The following ABCC5 variants were observed in gnomAD, a reference collection of about 807,000 sequenced individuals.
ABCC5 encodes ATP binding cassette subfamily C member 5, also known as ATP-binding cassette sub-family C member 5.
ABCC5 carries 61 observed loss-of-function variants against 160.9 expected under a neutral mutation model. The ratio of observed to expected loss-of-function variants is 0.38; its 90% CI spans 0.31 to 0.47. The LOEUF is 0.47. ABCC5 is among the 20% of genes least tolerant of loss of function. The probability of loss-of-function intolerance (pLI) is 0.99; values close to 1 mark genes in which losing one functional copy is unlikely to be tolerated. For missense variants in ABCC5, 1,308 were observed against 1,813.3 expected, an observed-to-expected ratio of 0.72 and a Z score of 5.06; for synonymous variants, 666 against 700.6, an observed-to-expected ratio of 0.95 and a Z score of 0.78.
At chr3:184,012,014 AAC>A (rs3031485) in intron 2 of ABCC5, among the ~76,000 whole-genome samples, 9,300 of 145,294 alleles carry the variant, frequency 0.064, 317 homozygotes, top group Admixed American at 0.08. Flanking sequence ...CATAGAACAC[AAC>A]ACACACACAC....
chr3:183,951,438 T>C lies in ABCC5; in HGVS notation c.2944+3A>G. The stretch of plus-strand genomic sequence containing the variant: ...TATTAAAAAAAGGCTCAGTGAGAAA[T>C]ACCTTCATCCATGTCTTTGGAAAAC... On this transcript the variant is annotated splice_donor_region_variant and intron_variant, in intron 20 of 29. Coordinates refer to ENST00000334444, the MANE Select transcript of ABCC5 (RefSeq NM_005688.4). The surrounding 1 kb of genome is among the most constrained non-coding windows in gnomAD (Gnocchi z 4.7). 1.2e-6 allele frequency: 2 copies of C among 1,613,892 alleles called. No homozygotes were observed. Among genetic ancestry groups the C allele is most frequent in the Non-Finnish European group, 1.7e-6 (2 of 1,179,952 alleles).
At chr3:183,937,591 T>C (rs897508255) in intron 26 of ABCC5, among the ~76,000 whole-genome samples, 5 of 152,176 alleles carry the variant, frequency 3.3e-5, no homozygotes, top group African/African-American at 1.2e-4. Context: ...CATCTTATGG[T>C]TGAGGAAACA....
chr3:184,008,597 G>A (rs987755736), intron 2 of ABCC5, among the ~76,000 whole-genome samples: 14 of 152,310 alleles, frequency 9.2e-5, no homozygotes, highest in Admixed American at 2.0e-4. Flanking sequence ...GTAGATGTGC[G>A]AATGCTTTAT....
chr3:183,999,764 G>C (rs1388533875), intron 2 of ABCC5, among the ~76,000 whole-genome samples: 1 of 152,040 alleles, frequency 6.6e-6, no homozygotes. Context: ...GGGTGACAGA[G>C]ACAGTCACTC....
intron 2 of ABCC5, among the ~76,000 whole-genome samples, chr3:184,009,117 G>A (rs746333295): frequency 4.6e-5 from 7 of 151,850 alleles, no homozygotes; most frequent in Non-Finnish European, 1.0e-4. Context: ...CTCCTCCCTC[G>A]GCCTCCCACA....
In ABCC5 at chr3:183,935,760, C is replaced by T. The variant is rs1487535843; in HGVS notation, c.3854+2141G>A. ...CAGGTGATCCGCCCACCTAGCCCTCCCAAAGTGCTGGCATTACAGGCGTGA... is the reference window on the plus strand; with the variant it reads ...CAGGTGATCCGCCCACCTAGCCCTCTCAAAGTGCTGGCATTACAGGCGTGA... On this transcript the variant is annotated intron_variant, in intron 26 of 29. Transcript: ENST00000334444. Among the ~76,000 whole-genome samples, 7 of 152,290 alleles carry T rather than the reference C, an allele frequency of 4.6e-5. No individual in the cohort carries two copies. In the East Asian group the frequency reaches 1.2e-3, roughly 25 times the overall value.
At chr3:183,991,974 C>T (rs1719809174) in intron 2 of ABCC5, among the ~76,000 whole-genome samples, 1 of 152,140 alleles carries the variant, frequency 6.6e-6, no homozygotes, top group African/African-American at 2.4e-5. Flanking sequence ...CAGGGACCAG[C>T]CTTATTTGGA....
chr3:183,950,215 T>C, intron 20 of ABCC5, 90 bp from the exon 21 acceptor site: 1 of 1,395,600 alleles, frequency 7.2e-7, no homozygotes, highest in Non-Finnish European at 9.6e-7. Flanking sequence ...CCACAAACTC[T>C]CTATCTGAAG....
intron 3 of ABCC5, 22 bp downstream of exon 3, chr3:183,989,204 A>G (rs1371084731): frequency 1.9e-6 from 3 of 1,577,632 alleles, no homozygotes; most frequent in African/African-American, 1.4e-5. Context: ...CTTCACTGTC[A>G]TCACTCAGCA....
chr3:183,975,500 C>A (rs957399730), intron 10 of ABCC5, among the ~76,000 whole-genome samples: 6 of 151,882 alleles, frequency 4.0e-5, no homozygotes, highest in African/African-American at 1.2e-4. Flanking sequence ...CACCACCACA[C>A]CTGGCTAATT....
chr3:183,934,193 C>T (rs763117831), intron 26 of ABCC5, among the ~76,000 whole-genome samples: 1 of 152,140 alleles, frequency 6.6e-6, no homozygotes, highest in Non-Finnish European at 1.5e-5. Context: ...GTGGTCCCAG[C>T]GACTCAGGAG....
At position 183,938,050 on chromosome 3, in the gene ABCC5, C is replaced by T. The variant is rs200655484; in HGVS notation, c.3705G>A (p.Ser1235=). ...IVGRTGSGKS[S]LGMALFRLVE... is the part of the protein sequence containing the mutation. ...CCAGACGGAAGAGGGCCATCCCCAG[C>T]GAGGACTTCCCTGATGAGTCAGAAG... The change falls in exon 26 of 30, where the codon TCG becomes TCA. Residue 1235 remains serine, a synonymous_variant. Transcript: ENST00000334444. 280 of 1,613,950 alleles carry T rather than the reference C, an allele frequency of 1.7e-4. 1 individual carries two copies. Among genetic ancestry groups the T allele is most frequent in the South Asian group, 1.4e-3 (128 of 91,060 alleles).
chr3:183,971,856 T>A lies in ABCC5; in HGVS notation c.1468A>T (p.Ile490Leu). 1 of 1,614,142 alleles carries A rather than the reference T, an allele frequency of 6.2e-7. No homozygotes were observed. Among genetic ancestry groups the A allele is most frequent in the East Asian group, 2.2e-5 (1 of 44,878 alleles). ...KNKPASPHIK[I>L]EMKNATLAWD... ...GCCAAGGTGGCATTTTTCATCTCTA[T>A]CTTGATGTGAGGACTGGCTGGTTTG... is the stretch of plus-strand genomic sequence containing the variant. The change falls in exon 11 of 30, where the codon ATA becomes TTA. Residue 490 changes from isoleucine to leucine, a missense_variant. By Grantham distance (5) the Ile-to-Leu change is conservative. Around this residue, in one of 3 missense-constraint regions of ABCC5, gnomAD observed 1,142 missense variants for 1,527.1 expected, o/e 0.75. Coordinates refer to ENST00000334444, the MANE Select transcript of ABCC5 (RefSeq NM_005688.4).
At chr3:183,922,082 A>T (rs1014647187) in intron 29 of ABCC5, among the ~76,000 whole-genome samples, 8 of 143,638 alleles carry the variant, frequency 5.6e-5, no homozygotes, top group African/African-American at 1.8e-4. Context: ...AATAAATAAA[A>T]AACAACAGGC....
At chr3:183,956,564 A>G (rs1716006651) in intron 17 of ABCC5, among the ~76,000 whole-genome samples, 1 of 148,896 alleles carries the variant, frequency 6.7e-6, no homozygotes, top group African/African-American at 2.5e-5. Context: ...TTACATGCAG[A>G]TCAGTGTGTA....
intron 17 of ABCC5, among the ~76,000 whole-genome samples, chr3:183,956,351 T>A (rs143633274): frequency 0.016 from 2,309 of 147,956 alleles, 14 homozygotes; most frequent in Non-Finnish European, 0.023. Flanking sequence ...TCCGTGTGTA[T>A]ATCACATCGG....
rs1441258443 is a variant in ABCC5, at chr3:183,981,863, T to C, written c.1011A>G (p.Ser337=). Residue 337 remains serine, a synonymous_variant, in exon 8 of 30, where the codon TCA becomes TCG. Transcript: ENST00000334444. ...ILFYPAMMFA[S]RLTAYFRRKC... ...TTCTCCTGAAATATGCTGTGAGCCGTGATGCAAACATCTGAAAGGAAAAGC... is the reference window on the plus strand; with the variant it reads ...TTCTCCTGAAATATGCTGTGAGCCGCGATGCAAACATCTGAAAGGAAAAGC... 6.3e-7 allele frequency: 1 copy of C among 1,599,506 alleles called. No homozygotes were observed.
chr3:183,974,408 T>C (rs1225520020), intron 10 of ABCC5, among the ~76,000 whole-genome samples: 1 of 152,134 alleles, frequency 6.6e-6, no homozygotes, highest in African/African-American at 2.4e-5. Context: ...CCCAGGTTCA[T>C]GCCATTCTCC....
At chr3:183,962,914 T>C (rs1716903321) in intron 15 of ABCC5, among the ~76,000 whole-genome samples, 1 of 152,162 alleles carries the variant, frequency 6.6e-6, no homozygotes, top group African/African-American at 2.4e-5. Context: ...CAAATATACA[T>C]AATTATGACT....
Sources: gnomAD v4.1 joint callset for allele counts (sites outside exome capture counted in the v4.1 genomes callset) on GRCh38, gnomAD v4.1.1 for gene constraint, gnomAD v4.1.1 regional missense constraint, Gnocchi (gnomAD v3.1) non-coding constraint, MANE v1.5 for transcripts, NCBI Gene and HGNC (gene_info 2026-07-23, HGNC 2026-07-21) for gene names.